The following VTA1 variants were observed in gnomAD, a reference collection of about 807,000 sequenced individuals.
The protein encoded by VTA1 is vesicle trafficking 1.
VTA1 carries 24 observed loss-of-function variants against 36.9 expected under a neutral mutation model. The ratio of observed to expected loss-of-function variants is 0.65; its 90% CI spans 0.47 to 0.91. VTA1 has a LOEUF of 0.91. VTA1 is among the 40% of genes least tolerant of loss of function. The pLI is 0.00. For synonymous variants in VTA1, 142 were observed against 130.2 expected (o/e 1.09, Z -0.62); for missense variants, 393 against 377.2 (o/e 1.04, Z -0.35).
chr6:142,176,834 C>T (rs1775135395), intron 4 of VTA1, among the ~76,000 whole-genome samples: 1 of 152,082 alleles, frequency 6.6e-6, no homozygotes, highest in South Asian at 2.1e-4. Context: ...TTTTGATTGG[C>T]ACAGATCTAG....
At chr6:142,207,858 C>T (rs779304673) in intron 7 of VTA1, among the ~76,000 whole-genome samples, 2 of 151,912 alleles carry the variant, frequency 1.3e-5, no homozygotes, top group African/African-American at 2.4e-5. Context: ...CTGAGGTGGG[C>T]AGATTACCTG....
intron 1 of VTA1, among the ~76,000 whole-genome samples, chr6:142,154,173 C>T (rs1308108884): frequency 5.3e-5 from 8 of 152,156 alleles, no homozygotes; most frequent in Non-Finnish European, 1.0e-4. Flanking sequence ...TACCTCACCC[C>T]CATCCCCTGG....
intron 7 of VTA1, among the ~76,000 whole-genome samples, chr6:142,218,144 C>T (rs1264868653): frequency 6.6e-6 from 1 of 151,920 alleles, no homozygotes; most frequent in African/African-American, 2.4e-5. Context: ...CATTCCAGCT[C>T]AAATGAGGGT....
chr6:142,185,305 T>A (rs1775319874), intron 4 of VTA1, among the ~76,000 whole-genome samples: 4 of 152,300 alleles, frequency 2.6e-5, no homozygotes, highest in South Asian at 4.1e-4. Context: ...TTGACTTATT[T>A]TATATATCCC....
chr6:142,204,500 G>T (rs902597574), intron 7 of VTA1, among the ~76,000 whole-genome samples: 3 of 152,064 alleles, frequency 2.0e-5, no homozygotes, highest in Non-Finnish European at 2.9e-5. Context: ...TACTTTGGTT[G>T]GTTGGTTTAT....
intron 7 of VTA1, among the ~76,000 whole-genome samples, chr6:142,216,644 CA>C (rs1242800113): frequency 1.3e-5 from 2 of 151,510 alleles, no homozygotes; most frequent in South Asian, 2.1e-4. Flanking sequence ...AATTATTTCA[CA>C]AAAAAATACA....
intron 6 of VTA1, among the ~76,000 whole-genome samples, chr6:142,199,247 G>A (rs575580591): frequency 2.6e-5 from 4 of 152,096 alleles, no homozygotes; most frequent in Admixed American, 2.6e-4. Flanking sequence ...ATCTGACAAA[G>A]TTAGTCCTTA....
chr6:142,190,179 A>C (rs1174551634), intron 5 of VTA1, among the ~76,000 whole-genome samples: 1 of 152,200 alleles, frequency 6.6e-6, no homozygotes, highest in Non-Finnish European at 1.5e-5. Flanking sequence ...TGAGTTATGT[A>C]GGTTATTTGC....
chr6:142,158,543 T>G (rs1367609019), intron 1 of VTA1, among the ~76,000 whole-genome samples: 1 of 152,230 alleles, frequency 6.6e-6, no homozygotes, highest in Admixed American at 6.5e-5. Context: ...CAGTGGGATC[T>G]TATCAATAGT....
At chr6:142,157,152 G>A (rs975483799) in intron 1 of VTA1, among the ~76,000 whole-genome samples, 2 of 152,212 alleles carry the variant, frequency 1.3e-5, no homozygotes, top group African/African-American at 4.8e-5. Context: ...GACAGAGCGA[G>A]ACTCCGTCTC....
intron 7 of VTA1, among the ~76,000 whole-genome samples, chr6:142,206,484 C>T (rs1758654764): frequency 6.6e-6 from 1 of 152,130 alleles, no homozygotes; most frequent in African/African-American, 2.4e-5. Flanking sequence ...CGTGATCATG[C>T]ATAAGAAGAC....
intron 1 of VTA1, among the ~76,000 whole-genome samples, chr6:142,163,809 T>C (rs578150203): frequency 6.6e-6 from 1 of 152,230 alleles, no homozygotes; most frequent in South Asian, 2.1e-4. Flanking sequence ...CCATATGAGT[T>C]AGAAAAAACA....
At chr6:142,179,595 G>T (rs1039565884) in intron 4 of VTA1, among the ~76,000 whole-genome samples, 8 of 152,056 alleles carry the variant, frequency 5.3e-5, no homozygotes. Flanking sequence ...AAAAGAGCCG[G>T]AAGTATACAA....
At chr6:142,178,515 T>C (rs910209312) in intron 4 of VTA1, among the ~76,000 whole-genome samples, 2 of 152,112 alleles carry the variant, frequency 1.3e-5, no homozygotes, top group African/African-American at 4.8e-5. Flanking sequence ...AGGAATTTGA[T>C]TTACAGGAAG....
chr6:142,151,200 G>A (rs188957654), intron 1 of VTA1, among the ~76,000 whole-genome samples: 1 of 152,352 alleles, frequency 6.6e-6, no homozygotes, highest in East Asian at 1.9e-4. Flanking sequence ...GCAAGATGAT[G>A]TGAGGAAGAT....
chr6:142,151,021 G>A (rs898865996), intron 1 of VTA1, among the ~76,000 whole-genome samples: 2 of 152,038 alleles, frequency 1.3e-5, no homozygotes, highest in East Asian at 3.9e-4. Context: ...ACCTGGAATT[G>A]TATATGGGGG....
chr6:142,213,194 C>T (rs985134150), intron 7 of VTA1, among the ~76,000 whole-genome samples: 2 of 152,232 alleles, frequency 1.3e-5, no homozygotes, highest in Non-Finnish European at 2.9e-5. Flanking sequence ...AGAAATTGGC[C>T]AAAACAAAGG....
intron 1 of VTA1, 113 bp from the exon 2 acceptor site, chr6:142,166,115 A>T: frequency 1.5e-6 from 1 of 668,372 alleles, no homozygotes; most frequent in Non-Finnish European, 2.3e-6. Flanking sequence ...AATCAGTTTT[A>T]TTTCTAAATT....
chr6:142,157,033 G>A (rs1379700683), intron 1 of VTA1, among the ~76,000 whole-genome samples: 2 of 152,126 alleles, frequency 1.3e-5, no homozygotes, highest in South Asian at 2.1e-4. Context: ...GCGTGGTAGC[G>A]TTTACCTGTA....
Sources: gnomAD v4.1 joint callset for allele counts (sites outside exome capture counted in the v4.1 genomes callset) on GRCh38, gnomAD v4.1.1 for gene constraint, MANE v1.5 for transcripts, NCBI Gene and HGNC (gene_info 2026-07-23, HGNC 2026-07-21) for gene names.